Variants in TOP1MT observed in about 807,000 individuals in gnomAD.
The protein encoded by TOP1MT is DNA topoisomerase I mitochondrial, also known as DNA topoisomerase I, mitochondrial.
A neutral mutation model predicts 73.9 loss-of-function variants in TOP1MT; 80 were observed. The ratio of observed to expected loss-of-function variants is 1.08; its 90% CI spans 0.90 to 1.30. The LOEUF (loss-of-function observed/expected upper bound fraction) is 1.30, where lower values mean the gene tolerates loss of function less well. TOP1MT is among the 50% of genes most tolerant of loss of function. The probability of loss-of-function intolerance (pLI) is 0.00; values close to 1 mark genes in which losing one functional copy is unlikely to be tolerated. For missense variants in TOP1MT, 815 were observed against 808.0 expected (o/e 1.01, Z -0.10); for synonymous variants, 338 against 326.4 (o/e 1.04, Z -0.38).
intron 1 of TOP1MT, chr8:143,334,262 C>T (rs1319868044): frequency 6.5e-6 from 1 of 152,848 alleles, no homozygotes; most frequent in African/African-American, 2.4e-5. Context: ...GCCACCAGGG[C>T]CACTGGATCC....
upstream of TOP1MT, among the ~76,000 whole-genome samples, chr8:143,348,291 C>T (rs1276470890): frequency 3.3e-5 from 5 of 152,166 alleles, no homozygotes; most frequent in Admixed American, 2.6e-4. This position sits in a 1 kb window ranked among gnomAD's most constrained non-coding sequence, Gnocchi z 4.6. Flanking sequence ...GAGGACAGCA[C>T]AAGGGGTGGT....
chr8:143,322,630 T>TCA (rs200311117), intron 7 of TOP1MT, among the ~76,000 whole-genome samples: 2 of 36,664 alleles, frequency 5.5e-5, no homozygotes, highest in Non-Finnish European at 9.7e-5. Flanking sequence ...CACAGGCACG[T>TCA]CACACACACA....
intron 4 of TOP1MT, among the ~76,000 whole-genome samples, chr8:143,325,895 G>A (rs1029259937): frequency 6.6e-6 from 1 of 152,246 alleles, no homozygotes; most frequent in African/African-American, 2.4e-5. Context: ...GCAGGTTCCT[G>A]TTAGATGTAG....
intron 1 of TOP1MT, among the ~76,000 whole-genome samples, chr8:143,350,988 C>A (rs1253724949): frequency 6.6e-6 from 1 of 152,164 alleles, no homozygotes; most frequent in Non-Finnish European, 1.5e-5. Context: ...CAGCAAGACT[C>A]CCGCTGGTCG....
At chr8:143,352,086 A>G (rs1474847054) in intron 1 of TOP1MT, among the ~76,000 whole-genome samples, 1 of 152,208 alleles carries the variant, frequency 6.6e-6, no homozygotes, top group Non-Finnish European at 1.5e-5. Context: ...CTGTCTCAAA[A>G]TATATAAAAG....
At chr8:143,324,731 T>A in intron 5 of TOP1MT, 102 bp from the exon 6 acceptor site, 1 of 1,416,466 alleles carries the variant, frequency 7.1e-7, no homozygotes, top group Non-Finnish European at 9.6e-7. Context: ...GTGGCTATGG[T>A]GGTGGCATGG....
chr8:143,339,553 A>C (rs925270347), upstream of TOP1MT, among the ~76,000 whole-genome samples: 1 of 149,500 alleles, frequency 6.7e-6, no homozygotes, highest in African/African-American at 2.6e-5. Flanking sequence ...ACACTCACTT[A>C]CTGCTGGCTG....
intron 1 of TOP1MT, among the ~76,000 whole-genome samples, chr8:143,353,507 G>C (rs187307002): frequency 6.6e-6 from 1 of 151,960 alleles, no homozygotes; most frequent in African/African-American, 2.4e-5. Flanking sequence ...AAGATGCTTG[G>C]TATCACTAAT....
At chr8:143,332,643 C>G (rs1379266000) in intron 1 of TOP1MT, 1 of 1,143,012 alleles carries the variant, frequency 8.7e-7, no homozygotes, top group Admixed American at 2.3e-5. Flanking sequence ...TCTGAAAGGG[C>G]CTTTCTGGCT....
rs533549340 is a variant in TOP1MT at position 143,317,493 on chromosome 8, G to A, written c.1330+230C>T. 2.5e-4 allele frequency among the ~76,000 whole-genome samples: 38 copies of A among 152,328 alleles called. No homozygotes were observed. In the East Asian group the frequency reaches 4.1e-3, roughly 16 times the overall value. On this transcript the variant is annotated intron_variant, in intron 10 of 13. Coordinates refer to ENST00000329245, the MANE Select transcript of TOP1MT (RefSeq NM_052963.3). Reference sequence around the variant, plus strand: ...AGGGCTCAGCAGTAGGGGCCGCCCCGCAGGGAGAACGTGGCTGGGATGCCT... The same window carrying A: ...AGGGCTCAGCAGTAGGGGCCGCCCCACAGGGAGAACGTGGCTGGGATGCCT...
At chr8:143,319,489 G>C (rs188673201) in intron 8 of TOP1MT, among the ~76,000 whole-genome samples, 52 of 152,114 alleles carry the variant, frequency 3.4e-4, no homozygotes, top group African/African-American at 1.2e-3. Flanking sequence ...GAGGTGCAGG[G>C]AGTTCGTGCG....
chr8:143,322,763 C>T (rs1210568683), intron 7 of TOP1MT, among the ~76,000 whole-genome samples: 3 of 35,910 alleles, frequency 8.4e-5, no homozygotes, highest in Admixed American at 7.1e-4. Flanking sequence ...ACGCCACACA[C>T]GCACGCCACA....
intron 9 of TOP1MT, 77 bp from the exon 10 acceptor site, chr8:143,317,914 G>A (rs1194508989): frequency 1.3e-6 from 2 of 1,592,966 alleles, no homozygotes; most frequent in East Asian, 4.5e-5. Context: ...GAAAGGACAT[G>A]TCAGCCGTTG....
intron 7 of TOP1MT, among the ~76,000 whole-genome samples, chr8:143,323,611 C>T (rs1450257614): frequency 8.1e-5 from 7 of 86,620 alleles, no homozygotes; most frequent in Middle Eastern, 5.5e-3. Context: ...GCACGCCACA[C>T]ACACAGGCAC....
rs1815977749 is a variant in TOP1MT at position 143,310,343 on chromosome 8, A to G, written c.1554-126T>C. 3 of 706,838 alleles carry G rather than the reference A, an allele frequency of 4.2e-6. No homozygotes were observed. In the Admixed American group the frequency reaches 1.0e-4, roughly 24 times the overall value. 43.8% of individuals were successfully genotyped at this position (706,838 alleles called of 1,614,324 possible). A position where few individuals can be genotyped will look rare whatever the true frequency, so the allele number is the denominator to read the frequency against. On this transcript the variant is annotated intron_variant, in intron 12 of 13. Coordinates refer to ENST00000329245, the MANE Select transcript of TOP1MT (RefSeq NM_052963.3). Reference sequence around the variant, plus strand: ...CCTGTCCCTGTCATTGTCATCAGTCATCCATCACAGCAAAAGACCAGCCGG... The same window carrying G: ...CCTGTCCCTGTCATTGTCATCAGTCGTCCATCACAGCAAAAGACCAGCCGG...
chr8:143,342,127 TCG>T, intron 2 of TOP1MT, among the ~76,000 whole-genome samples: 1 of 134,630 alleles, frequency 7.4e-6, no homozygotes, highest in African/African-American at 3.6e-5. Flanking sequence ...AGACACAGTC[TCG>T]CTCTGTTATT....
chr8:143,329,260 G>A, intron 3 of TOP1MT, 90 bp downstream of exon 3: 1 of 1,417,230 alleles, frequency 7.1e-7, no homozygotes, highest in Admixed American at 2.7e-5. Flanking sequence ...CCGAGAACTT[G>A]CGAGGGGCGT....
intron 1 of TOP1MT, among the ~76,000 whole-genome samples, chr8:143,333,455 T>G (rs896549212): frequency 1.3e-5 from 2 of 152,126 alleles, no homozygotes; most frequent in Non-Finnish European, 1.5e-5. Flanking sequence ...TCTCAAATAA[T>G]AATAATAAAA....
In TOP1MT at chr8:143,321,303, G is replaced by A; in HGVS notation, c.1044C>T (p.Val348=). Residue 348 remains valine, a synonymous_variant, in exon 8 of 14, where the codon GTC becomes GTT. Coordinates refer to ENST00000329245, the MANE Select transcript of TOP1MT (RefSeq NM_052963.3). ...VGCCSLRVEH[V]QLHPEADGCQ... is the part of the protein sequence containing the mutation. ...AGCCATCGGCCTCCGGGTGCAGCTG[G>A]ACGTGCTCCACGCGGAGGGAACAGC... The A allele has an allele frequency of 6.2e-7, 1 of 1,612,618 alleles. No homozygotes were observed. The highest frequency in any genetic ancestry group is 2.2e-5 in the East Asian group (1 of 44,860).
Sources: gnomAD v4.1 joint callset for allele counts (sites outside exome capture counted in the v4.1 genomes callset) on GRCh38, gnomAD v4.1.1 for gene constraint, Gnocchi (gnomAD v3.1) non-coding constraint, MANE v1.5 for transcripts, NCBI Gene and HGNC (gene_info 2026-07-23, HGNC 2026-07-21) for gene names.